The following CPEB3 variants were observed in gnomAD, a reference collection of about 807,000 sequenced individuals.
CPEB3 encodes cytoplasmic polyadenylation element-binding protein 3.
CPEB3 carries 20 observed loss-of-function variants against 67.2 expected under a neutral mutation model. The observed-to-expected ratio is 0.30, with a 90% confidence interval of 0.21 to 0.43. The LOEUF (loss-of-function observed/expected upper bound fraction) is 0.43, where lower values mean the gene tolerates loss of function less well. Ranked by LOEUF, CPEB3 falls within the 20% of genes least tolerant of loss-of-function variation. The pLI, the probability that CPEB3 is intolerant of heterozygous loss-of-function variation, is 1.00. For missense variants in CPEB3, 746 were observed against 968.6 expected, an observed-to-expected ratio of 0.77 and a Z score of 3.05; for synonymous variants, 376 against 393.1, an observed-to-expected ratio of 0.96 and a Z score of 0.51.
chr10:92,289,943 G>A, intron 1 of CPEB3, among the ~76,000 whole-genome samples: 1 of 139,014 alleles, frequency 7.2e-6, no homozygotes, highest in Non-Finnish European at 1.5e-5. Flanking sequence ...GGGGGTGGGT[G>A]CTGTTTCTCA....
intron 6 of CPEB3, among the ~76,000 whole-genome samples, chr10:92,136,567 C>A (rs1564808861): frequency 6.6e-6 from 1 of 151,506 alleles, no homozygotes; most frequent in South Asian, 2.1e-4. Flanking sequence ...AGTATTTCTT[C>A]TTTTTTTTTC....
chr10:92,210,971 T>C (rs190242939), intron 2 of CPEB3, among the ~76,000 whole-genome samples: 5 of 152,212 alleles, frequency 3.3e-5, no homozygotes, highest in African/African-American at 4.8e-5. Flanking sequence ...GGTACATATA[T>C]AAATACAGGC....
intron 1 of CPEB3, among the ~76,000 whole-genome samples, chr10:92,264,889 G>A (rs762584818): frequency 6.6e-6 from 1 of 151,954 alleles, no homozygotes; most frequent in Admixed American, 6.6e-5. Context: ...ATTTAAGGTC[G>A]GGCATGTGGC....
At chr10:92,240,613 T>C (rs1260577291) in intron 1 of CPEB3, among the ~76,000 whole-genome samples, 1 of 152,170 alleles carries the variant, frequency 6.6e-6, no homozygotes, top group African/African-American at 2.4e-5. Flanking sequence ...TCCTTTTCTG[T>C]ATTAGTGAGA....
At position 92,240,113 on chromosome 10, in the gene CPEB3, C is replaced by A; in HGVS notation, c.238G>T (p.Gly80Cys). Residue 80 changes from glycine to cysteine, a missense_variant, in exon 2 of 10, where the codon GGC (glycine) becomes TGC (cysteine). Transcript: ENST00000265997. Reference protein sequence around the residue: ...KMQMESPLLPGLSFHQPPQQP... With the variant: ...KMQMESPLLPCLSFHQPPQQP... ...TGAGGAGGCTGATGGAAACTCAAGC[C>A]TGGCAGGAGCGGTGATTCCATCTGC... 6.3e-7 allele frequency: 1 copy of A among 1,576,580 alleles called. No individual in the cohort carries two copies. Among genetic ancestry groups the A allele is most frequent in the Admixed American group, 1.9e-5 (1 of 53,840 alleles).
chr10:92,231,628 TC>T (rs1372051379), intron 2 of CPEB3, among the ~76,000 whole-genome samples: 1 of 152,164 alleles, frequency 6.6e-6, no homozygotes, highest in East Asian at 1.9e-4. Flanking sequence ...TCTTCCTTAT[TC>T]CAAGTTTCAT....
At chr10:92,111,489 A>G (rs2133487313) in intron 6 of CPEB3, among the ~76,000 whole-genome samples, 1 of 152,370 alleles carries the variant, frequency 6.6e-6, no homozygotes, top group South Asian at 2.1e-4. Context: ...CTTAGCCACA[A>G]CTAACAAGTA....
intron 1 of CPEB3, among the ~76,000 whole-genome samples, chr10:92,254,649 C>T (rs1490568676): frequency 6.6e-6 from 1 of 151,918 alleles, no homozygotes; most frequent in Non-Finnish European, 1.5e-5. Context: ...TAGACCTTGT[C>T]TCTAACATTT....
Position 92,054,396 on chromosome 10 carries a change from A to C in CPEB3, c.1870-1957T>G, listed in dbSNP as rs188776578. Among the ~76,000 whole-genome samples, 245 of 152,078 alleles carry C rather than the reference A, an allele frequency of 1.6e-3. 2 individuals carry two copies. Among genetic ancestry groups the C allele is most frequent in the Non-Finnish European group, 2.7e-3 (184 of 67,998 alleles). Reference sequence around the variant, plus strand: ...TTTAAAAGACTGATAACTATTTCTCATCATTTGCTGATAGAAATATGAATT... The same window carrying C: ...TTTAAAAGACTGATAACTATTTCTCCTCATTTGCTGATAGAAATATGAATT... On this transcript the variant is annotated intron_variant, in intron 9 of 9. Transcript: ENST00000265997.
Position 92,146,597 on chromosome 10 carries a change from A to G in CPEB3, c.1223-1512T>C, listed in dbSNP as rs575246981. On this transcript the variant is annotated intron_variant, in intron 4 of 9. Coordinates refer to ENST00000265997, the MANE Select transcript of CPEB3 (RefSeq NM_014912.5). Reference sequence around the variant, plus strand: ...CATGTATTTCTTTTACAAAAAAGTTAAAGTTATTAATATAACTCTGGTTAT... The same window carrying G: ...CATGTATTTCTTTTACAAAAAAGTTGAAGTTATTAATATAACTCTGGTTAT... 2.6e-5 allele frequency among the ~76,000 whole-genome samples: 4 copies of G among 152,352 alleles called. No homozygotes were observed. In the South Asian group the frequency reaches 8.3e-4, roughly 32 times the overall value.
intron 9 of CPEB3, among the ~76,000 whole-genome samples, chr10:92,077,476 G>T (rs1167000325): frequency 6.6e-6 from 1 of 152,132 alleles, no homozygotes; most frequent in African/African-American, 2.4e-5. Context: ...AGGATGTTGG[G>T]CCGAGCACAG....
chr10:92,222,406 G>A (rs1316104087), intron 2 of CPEB3, among the ~76,000 whole-genome samples: 9 of 151,994 alleles, frequency 5.9e-5, no homozygotes. Context: ...TGAAATGAAT[G>A]CCAAAAAATT....
At chr10:92,178,446 ACCACG>A (rs1564840794) in intron 4 of CPEB3, among the ~76,000 whole-genome samples, 1 of 152,182 alleles carries the variant, frequency 6.6e-6, no homozygotes, top group Non-Finnish European at 1.5e-5. Flanking sequence ...GATGTGAGGC[ACCACG>A]CCCAGCGATC....
chr10:92,242,560 A>T (rs1851896770), intron 1 of CPEB3, among the ~76,000 whole-genome samples: 1 of 152,222 alleles, frequency 6.6e-6, no homozygotes, highest in African/African-American at 2.4e-5. Flanking sequence ...AATTGTCTTT[A>T]TAATAGCCAT....
chr10:92,052,780 G>A (rs1280620386), intron 9 of CPEB3, among the ~76,000 whole-genome samples: 1 of 152,200 alleles, frequency 6.6e-6, no homozygotes, highest in African/African-American at 2.4e-5. Context: ...AGGGTGCTGG[G>A]GAGGATTAAG....
At chr10:92,188,313 G>A in intron 3 of CPEB3, among the ~76,000 whole-genome samples, 1 of 16,860 alleles carries the variant, frequency 5.9e-5, no homozygotes, top group Non-Finnish European at 1.2e-4. Context: ...GTATATGTAA[G>A]ACATAGTAAA....
chr10:92,288,421 C>T (rs1842638813), intron 1 of CPEB3, among the ~76,000 whole-genome samples: 1 of 148,266 alleles, frequency 6.7e-6, no homozygotes. Flanking sequence ...CGCCACTGCA[C>T]TCCAGCCTGG....
chr10:92,095,601 T>TATATATATATATATATATATA lies in CPEB3; in HGVS notation c.1573-3658_1573-3657insTATATATATATATATATATAT, dbSNP rs1491405800. Among the ~76,000 whole-genome samples the TATATATATATATATATATATA allele has an allele frequency of 3.5e-4, 31 of 87,682 alleles. 1 individual carries two copies. Among genetic ancestry groups the TATATATATATATATATATATA allele is most frequent in the African/African-American group, 9.4e-4 (29 of 30,740 alleles). The allele number at this position is 87,682 out of a possible 152,430, so 57.5% of individuals were successfully genotyped here. On this transcript the variant is annotated intron_variant, in intron 7 of 9. Transcript: ENST00000265997. ...CCTGATTTATATATATATATATATA[T>TATATATATATATATATATATA]TTTTTTTTTTTCATTGTGTATATAT...
At chr10:92,215,401 C>T (rs1325620681) in intron 2 of CPEB3, among the ~76,000 whole-genome samples, 1 of 151,228 alleles carries the variant, frequency 6.6e-6, no homozygotes, top group Non-Finnish European at 1.5e-5. Flanking sequence ...ATCCGCCCAC[C>T]ACAGCCTCCC....
Sources: gnomAD v4.1 joint callset for allele counts (sites outside exome capture counted in the v4.1 genomes callset) on GRCh38, gnomAD v4.1.1 for gene constraint, MANE v1.5 for transcripts, NCBI Gene and HGNC (gene_info 2026-07-23, HGNC 2026-07-21) for gene names.